KRABD5: variants seen among roughly 807,000 people sequenced by gnomAD.
KRABD5 encodes the protein KRAB domain-containing protein 5.
chr16:31,722,386 C>G, the KRABD5 span, among the ~76,000 whole-genome samples: 2 of 151,600 alleles, frequency 1.3e-5, no homozygotes, highest in East Asian at 1.9e-4. Context: ...TAGTTTTATA[C>G]TTTATATTCC....
the KRABD5 span, chr16:31,754,054 A>G: frequency 2.2e-6 from 2 of 907,942 alleles, no homozygotes; most frequent in Non-Finnish European, 3.5e-6. Flanking sequence ...TCTGTAAGTA[A>G]GTGTCAACAT....
chr16:31,755,373 A>T, the KRABD5 span: 1 of 504,580 alleles, frequency 2.0e-6, no homozygotes, highest in East Asian at 6.0e-5. Context: ...CATACCGGAG[A>T]GAAACCCTAC....
chr16:31,734,230 TCTAA>T, the KRABD5 span, among the ~76,000 whole-genome samples: 1 of 151,914 alleles, frequency 6.6e-6, no homozygotes, highest in African/African-American at 2.4e-5. Context: ...AAGTCTCTCT[TCTAA>T]CTTTTTTTTT....
chr16:31,722,658 A>G, the KRABD5 span: 2 of 1,613,482 alleles, frequency 1.2e-6, no homozygotes, highest in South Asian at 1.1e-5. Context: ...TGGCCATAGA[A>G]TTCTCTCGGG....
the KRABD5 span, among the ~76,000 whole-genome samples, chr16:31,739,117 GTATA>G: frequency 6.6e-6 from 1 of 152,038 alleles, no homozygotes; most frequent in African/African-American, 2.4e-5. Flanking sequence ...TTTTACTTGT[GTATA>G]TAATTACTGT....
the KRABD5 span, among the ~76,000 whole-genome samples, chr16:31,732,911 G>A: frequency 1.3e-5 from 2 of 151,992 alleles, no homozygotes; most frequent in Non-Finnish European, 2.9e-5. Context: ...AATATCTAAA[G>A]CATTATTTTT....
chr16:31,750,973 T>C, the KRABD5 span, among the ~76,000 whole-genome samples: 113,767 of 152,072 alleles, frequency 0.75, 42,920 homozygotes, highest in Middle Eastern at 0.8. Flanking sequence ...TTGGCCAAGC[T>C]GGTCTCGAAC....
At chr16:31,747,816 T>A in the KRABD5 span, among the ~76,000 whole-genome samples, 1 of 152,212 alleles carries the variant, frequency 6.6e-6, no homozygotes, top group African/African-American at 2.4e-5. Flanking sequence ...TCATGTCCTT[T>A]GCCCACTTTT....
At chr16:31,759,631 T>C in the KRABD5 span, 2 of 438,972 alleles carry the variant, frequency 4.6e-6, no homozygotes, top group East Asian at 3.7e-5. Flanking sequence ...TGATTAGTAG[T>C]TGAAGCTGGG....
At chr16:31,759,324 A>T in the KRABD5 span, 1 of 1,533,014 alleles carries the variant, frequency 6.5e-7, no homozygotes, top group Non-Finnish European at 8.8e-7. Context: ...TGGACACAAA[A>T]TTGTACTTTA....
chr16:31,750,517 T>G, the KRABD5 span, among the ~76,000 whole-genome samples: 66 of 152,286 alleles, frequency 4.3e-4, no homozygotes, highest in Admixed American at 3.3e-4. Context: ...TGCCTTTTAT[T>G]TCATTCTCTT....
chr16:31,740,372 T>C, the KRABD5 span, among the ~76,000 whole-genome samples: 1 of 152,334 alleles, frequency 6.6e-6, no homozygotes, highest in South Asian at 2.1e-4. Flanking sequence ...CTCTAGTGAA[T>C]CCTTAAATTT....
chr16:31,715,571 A>G, the KRABD5 span, among the ~76,000 whole-genome samples: 1 of 152,184 alleles, frequency 6.6e-6, no homozygotes. Flanking sequence ...TATAAAATTA[A>G]TGAACTTGAG....
the KRABD5 span, chr16:31,753,845 A>G: frequency 6.4e-7 from 1 of 1,551,276 alleles, no homozygotes; most frequent in South Asian, 1.2e-5. Context: ...TATTGGATGG[A>G]TATGGGAGCT....
At chr16:31,742,717 G>A in the KRABD5 span, among the ~76,000 whole-genome samples, 2 of 152,078 alleles carry the variant, frequency 1.3e-5, no homozygotes, top group Non-Finnish European at 1.5e-5. Context: ...TCTGATTCTC[G>A]ATCCTTGAGG....
chr16:31,744,020 T>C, the KRABD5 span, among the ~76,000 whole-genome samples: 1 of 152,146 alleles, frequency 6.6e-6, no homozygotes, highest in Admixed American at 6.6e-5. Context: ...AGGAGTTTTT[T>C]TTGGCTGAGA....
the KRABD5 span, chr16:31,753,763 C>A: frequency 9.5e-6 from 14 of 1,472,156 alleles, no homozygotes; most frequent in Non-Finnish European, 1.2e-5. Flanking sequence ...TGGTATCTTT[C>A]AGATATCTTT....
chr16:31,727,490 GTAC>G, the KRABD5 span, among the ~76,000 whole-genome samples: 1 of 152,232 alleles, frequency 6.6e-6, no homozygotes, highest in African/African-American at 2.4e-5. Context: ...CTGCAGTCAT[GTAC>G]TTATATACCC....
the KRABD5 span, among the ~76,000 whole-genome samples, chr16:31,751,049 T>C: frequency 9.9e-5 from 15 of 152,224 alleles, no homozygotes; most frequent in East Asian, 3.8e-4. Flanking sequence ...TGTGAGCCAC[T>C]GCGCCTAGCT....
Sources: gnomAD v4.1 joint callset for allele counts (sites outside exome capture counted in the v4.1 genomes callset) on GRCh38, gnomAD v4.1.1 for gene constraint, MANE v1.5 for transcripts, NCBI Gene and HGNC (gene_info 2026-07-23, HGNC 2026-07-21) for gene names.